ITPRID1: variants seen among roughly 807,000 people sequenced by gnomAD.
ITPRID1 encodes ITPR interacting domain containing 1, also known as protein ITPRID1.
ITPRID1 carries 96 observed loss-of-function variants against 95.4 expected under a neutral mutation model. That is an observed-to-expected ratio of 1.01 (90% confidence interval 0.85 to 1.19). The LOEUF is 1.19. ITPRID1 is among the 50% of genes most tolerant of loss of function. The pLI, the probability that ITPRID1 is intolerant of heterozygous loss-of-function variation, is 0.00. For missense variants in ITPRID1, 1,339 were observed against 1,252.9 expected (o/e 1.07, Z -1.04); for synonymous variants, 510 against 453.6 (o/e 1.12, Z -1.58).
intron 10 of ITPRID1, among the ~76,000 whole-genome samples, chr7:31,620,346 T>C (rs989162407): frequency 1.3e-5 from 2 of 151,930 alleles, no homozygotes; most frequent in Non-Finnish European, 2.9e-5. Context: ...GCAGCCTAAC[T>C]GGGAGGCACC....
intron 1 of ITPRID1, among the ~76,000 whole-genome samples, chr7:31,539,885 G>T (rs114656470): frequency 2.6e-5 from 4 of 152,084 alleles, no homozygotes; most frequent in African/African-American, 9.7e-5. Flanking sequence ...AAGTTATCTC[G>T]GGGTGGCATG....
chr7:31,556,874 A>T (rs1050797804), intron 5 of ITPRID1, among the ~76,000 whole-genome samples: 3 of 152,052 alleles, frequency 2.0e-5, no homozygotes, highest in East Asian at 1.9e-4. Flanking sequence ...TCTCACAGTT[A>T]TGGAGTCTGG....
chr7:31,553,111 C>T lies in ITPRID1; in HGVS notation c.87C>T (p.Ser29=), dbSNP rs550681504. The change falls in exon 3 of 15, where the codon AGC becomes AGT. Residue 29 remains serine, a synonymous_variant. Coordinates refer to ENST00000615280, the MANE Select transcript of ITPRID1 (RefSeq NM_001257967.3). ...GAGAGATCCTGAAGTGCACCAAAAG[C>T]GCGTGGGCTCCGCTGGATGAGTGGC... is the stretch of plus-strand genomic sequence containing the variant. ...SKREILKCTK[S]AWAPLDEWLP... 218 of 1,601,680 alleles carry T rather than the reference C, an allele frequency of 1.4e-4. 1 individual carries two copies. The South Asian group carries it at 1.5e-3, about 11-fold the overall frequency.
chr7:31,564,965 G>C (rs944244730), intron 5 of ITPRID1, among the ~76,000 whole-genome samples: 1 of 152,172 alleles, frequency 6.6e-6, no homozygotes, highest in African/African-American at 2.4e-5. Context: ...TTAAGAACAG[G>C]CAAAGGGAAG....
intron 10 of ITPRID1, among the ~76,000 whole-genome samples, chr7:31,600,477 G>A (rs1423679349): frequency 6.6e-6 from 1 of 152,200 alleles, no homozygotes; most frequent in Non-Finnish European, 1.5e-5. Context: ...TCATCACATA[G>A]TGGTTTAAAG....
intron 10 of ITPRID1, among the ~76,000 whole-genome samples, chr7:31,595,070 CTTTT>C (rs958852739): frequency 1.6e-5 from 2 of 127,442 alleles, no homozygotes; most frequent in East Asian, 2.2e-4. Flanking sequence ...TTTATAATTT[CTTTT>C]TTTTTTTTTT....
intron 1 of ITPRID1, among the ~76,000 whole-genome samples, chr7:31,534,216 G>T (rs1783689283): frequency 6.6e-6 from 1 of 152,188 alleles, no homozygotes; most frequent in African/African-American, 2.4e-5. Context: ...TGCCAAAAAG[G>T]TTGAGGACTG....
chr7:31,602,538 G>A (rs374204727), intron 10 of ITPRID1, among the ~76,000 whole-genome samples: 3 of 152,172 alleles, frequency 2.0e-5, no homozygotes, highest in Admixed American at 6.5e-5. Context: ...GCGCCTGCAC[G>A]AGAGGCTGCA....
At chr7:31,516,670 A>G (rs1783050139) in intron 1 of ITPRID1, among the ~76,000 whole-genome samples, 1 of 152,224 alleles carries the variant, frequency 6.6e-6, no homozygotes, top group African/African-American at 2.4e-5. Flanking sequence ...ACATGCTTAG[A>G]TAAACTCAAT....
intron 1 of ITPRID1, among the ~76,000 whole-genome samples, chr7:31,527,954 G>T (rs1783475815): frequency 6.6e-6 from 1 of 152,106 alleles, no homozygotes; most frequent in African/African-American, 2.4e-5. Context: ...CTTTGGTTAT[G>T]AATCACCCAT....
intron 1 of ITPRID1, among the ~76,000 whole-genome samples, chr7:31,548,883 C>T (rs17160249): frequency 0.22 from 33,611 of 151,872 alleles, 3,873 homozygotes; most frequent in East Asian, 0.32. Context: ...AGGGGCAGGT[C>T]TTAATGGAAC....
chr7:31,541,294 A>G (rs1783925618), intron 1 of ITPRID1, among the ~76,000 whole-genome samples: 1 of 152,194 alleles, frequency 6.6e-6, no homozygotes, highest in East Asian at 1.9e-4. Flanking sequence ...ATATTAATGA[A>G]CATTCTAGCT....
At chr7:31,638,950 A>G (rs1355039389) in intron 10 of ITPRID1, among the ~76,000 whole-genome samples, 1 of 151,760 alleles carries the variant, frequency 6.6e-6, no homozygotes, top group African/African-American at 2.4e-5. Flanking sequence ...TAATTTTTGT[A>G]TTTTTTGGTA....
intron 9 of ITPRID1, among the ~76,000 whole-genome samples, chr7:31,582,614 A>G (rs539128900): frequency 6.6e-6 from 1 of 152,270 alleles, no homozygotes; most frequent in Admixed American, 6.5e-5. Context: ...CTATTTTAGA[A>G]GTAATATGCA....
intron 9 of ITPRID1, among the ~76,000 whole-genome samples, chr7:31,582,509 C>T (rs977631331): frequency 6.6e-6 from 1 of 152,100 alleles, no homozygotes; most frequent in African/African-American, 2.4e-5. Flanking sequence ...CCTTTGCCTC[C>T]CAAAGTGTTG....
downstream of ITPRID1, chr7:31,658,330 G>T (rs1246302428): frequency 6.6e-7 from 1 of 1,520,110 alleles, no homozygotes; most frequent in South Asian, 1.2e-5. Context: ...AAATAACTCT[G>T]CTAAAGATGA....
chr7:31,646,943 A>G (rs1401011144), intron 12 of ITPRID1, among the ~76,000 whole-genome samples: 2 of 152,256 alleles, frequency 1.3e-5, no homozygotes, highest in African/African-American at 2.4e-5. Flanking sequence ...GATGCTATAT[A>G]AGGTTTTACC....
At chr7:31,648,311 A>G (rs1316796145) in intron 12 of ITPRID1, among the ~76,000 whole-genome samples, 1 of 152,080 alleles carries the variant, frequency 6.6e-6, no homozygotes, top group Non-Finnish European at 1.5e-5. Context: ...GGTTATAATC[A>G]AGCCTTTATA....
At chr7:31,587,536 A>G (rs1308500259) in intron 10 of ITPRID1, among the ~76,000 whole-genome samples, 4 of 146,494 alleles carry the variant, frequency 2.7e-5, no homozygotes, top group African/African-American at 5.0e-5. Flanking sequence ...GGTAGGAAGA[A>G]TCAATATCGT....
Sources: allele counts gnomAD v4.1 joint callset (sites outside exome capture counted in the v4.1 genomes callset), GRCh38; gene constraint gnomAD v4.1.1; transcripts MANE v1.5; gene names NCBI Gene and HGNC (gene_info 2026-07-23, HGNC 2026-07-21).